Variants in TSGA10 observed in about 807,000 individuals in gnomAD.
TSGA10 encodes testis specific 10.
Under a neutral mutation model 96.6 loss-of-function variants are expected in TSGA10, and 43 were observed. The observed-to-expected ratio is 0.44, with a 90% confidence interval of 0.35 to 0.57. The LOEUF (loss-of-function observed/expected upper bound fraction) is 0.57, where lower values mean the gene tolerates loss of function less well. TSGA10 is among the 20% of genes least tolerant of loss of function. The pLI is 0.01. For missense variants in TSGA10, 703 were observed against 834.4 expected (o/e 0.84, Z 1.94); for synonymous variants, 229 against 269.9 (o/e 0.85, Z 1.48).
chr2:99,033,010 C>A (rs936346158), intron 17 of TSGA10, among the ~76,000 whole-genome samples: 1 of 152,176 alleles, frequency 6.6e-6, no homozygotes, highest in Non-Finnish European at 1.5e-5. Context: ...GCAGACTACT[C>A]AAGTCTTTGA....
At chr2:99,042,462 C>T (rs1233767639) in intron 16 of TSGA10, among the ~76,000 whole-genome samples, 1 of 152,132 alleles carries the variant, frequency 6.6e-6, no homozygotes, top group Non-Finnish European at 1.5e-5. Context: ...GGGCTCTGAC[C>T]AGACGAGATT....
In TSGA10 at chr2:99,124,905, C is replaced by G. The variant is rs569236494; in HGVS notation, c.-492+2143G>C. ...CGGCCTACTGTTACATTATTAATAA[C>G]TAGTATCTATAACTTACCTTAGGGT... On this transcript the variant is annotated intron_variant, in intron 2 of 20. Transcript: ENST00000393483. 1.0e-3 allele frequency: 157 copies of G among 152,242 alleles called. 1 individual carries two copies. Among genetic ancestry groups the G allele is most frequent in the African/African-American group, 3.6e-3 (151 of 41,516 alleles). 9.4% of individuals were successfully genotyped at this position (152,242 alleles called of 1,614,324 possible). A position where few individuals can be genotyped will look rare whatever the true frequency, so the allele number is the denominator to read the frequency against.
chr2:99,150,848 T>C, intron 1 of TSGA10: 1 of 1,545,988 alleles, frequency 6.5e-7, no homozygotes, highest in Non-Finnish European at 8.7e-7. Flanking sequence ...AATTTGTACG[T>C]ATTACCAAAG....
intron 10 of TSGA10, among the ~76,000 whole-genome samples, chr2:99,091,870 G>A (rs2089396931): frequency 6.6e-6 from 1 of 152,086 alleles, no homozygotes; most frequent in Non-Finnish European, 1.5e-5. Context: ...CATCAAGAAA[G>A]AAAGTCAACA....
chr2:99,128,776 C>T (rs2092943564), intron 1 of TSGA10, among the ~76,000 whole-genome samples: 3 of 152,178 alleles, frequency 2.0e-5, no homozygotes, highest in African/African-American at 7.2e-5. Flanking sequence ...AACTATGCAA[C>T]ACTTAAGGGT....
chr2:99,018,188 A>G lies in TSGA10; in HGVS notation c.2072+12T>C, dbSNP rs752646244. On this transcript the variant is annotated intron_variant, in intron 20 of 20. Transcript: ENST00000393483. ...TTTGATCTCAAGAGAATGGATCCTTAAATAGACTCACTCTTCTAATGATCG... is the reference window on the plus strand; with the variant it reads ...TTTGATCTCAAGAGAATGGATCCTTGAATAGACTCACTCTTCTAATGATCG... 3.7e-6 allele frequency: 6 copies of G among 1,613,840 alleles called. No homozygotes were observed. The highest frequency in any genetic ancestry group is 5.1e-6 in the Non-Finnish European group (6 of 1,179,932).
chr2:99,038,012 T>C (rs1418475943), intron 16 of TSGA10, among the ~76,000 whole-genome samples: 1 of 151,920 alleles, frequency 6.6e-6, no homozygotes, highest in Non-Finnish European at 1.5e-5. Flanking sequence ...TTTTACCTCC[T>C]TAAACAAAAC....
chr2:99,005,960 A>G lies in TSGA10; in HGVS notation c.2073-7739T>C, dbSNP rs571772835. 5.3e-5 allele frequency among the ~76,000 whole-genome samples: 8 copies of G among 152,318 alleles called. No homozygotes were observed. In the East Asian group the frequency reaches 1.5e-3, roughly 29 times the overall value. The stretch of plus-strand genomic sequence containing the variant: ...CAAAACAGAGATATAGATCAATGGA[A>G]CAGAACAGAGCCCTCAGAAATAATG... On this transcript the variant is annotated intron_variant, in intron 20 of 20. Transcript: ENST00000393483.
At chr2:99,035,508 A>G in intron 16 of TSGA10, 69 bp from the exon 17 acceptor site, 18 of 1,116,458 alleles carry the variant, frequency 1.6e-5, no homozygotes, top group Non-Finnish European at 2.2e-5. Flanking sequence ...TATAACATGG[A>G]AAAATGAAGT....
chr2:99,071,850 C>T lies in TSGA10; in HGVS notation c.963G>A (p.Val321=), dbSNP rs746161802. 4.1e-5 allele frequency: 66 copies of T among 1,613,908 alleles called. No individual in the cohort carries two copies. Among genetic ancestry groups the T allele is most frequent in the Non-Finnish European group, 5.1e-5 (60 of 1,179,868 alleles). The change falls in exon 14 of 21, where the codon GTG becomes GTA. Residue 321 remains valine, a synonymous_variant. Coordinates refer to ENST00000393483, the MANE Select transcript of TSGA10 (RefSeq NM_025244.4). The stretch of plus-strand genomic sequence containing the variant: ...GCATTCTGGAAACGTCTTGTTCACA[C>T]ACAATTAGGGCCTCAGTACACTGTC... ...ASRQCTEALI[V]CEQDVSRMRR... is the part of the protein sequence containing the mutation.
intron 17 of TSGA10, among the ~76,000 whole-genome samples, chr2:99,021,270 G>C (rs1490049751): frequency 6.6e-6 from 1 of 151,606 alleles, no homozygotes; most frequent in African/African-American, 2.4e-5. Context: ...TTCTAAGCTA[G>C]ATACAATGCA....
chr2:99,088,773 G>C (rs2088894325), intron 10 of TSGA10, among the ~76,000 whole-genome samples: 1 of 152,140 alleles, frequency 6.6e-6, no homozygotes, highest in Non-Finnish European at 1.5e-5. Context: ...AGCTAAAAGT[G>C]GGTGACTAAT....
At position 99,068,859 on chromosome 2, in the gene TSGA10, A is replaced by G. The variant is rs773100123; in HGVS notation, c.1218+29T>C. On this transcript the variant is annotated intron_variant, in intron 15 of 20. Coordinates refer to ENST00000393483, the MANE Select transcript of TSGA10 (RefSeq NM_025244.4). ...TTAACTCTAGTGAAAACTAAGTATC[A>G]TGAGCAAAAAGAAAAAAAAAATACA... is the stretch of plus-strand genomic sequence containing the variant. 44 of 1,170,020 alleles carry G rather than the reference A, an allele frequency of 3.8e-5. No homozygotes were observed. In the East Asian group the frequency reaches 5.0e-4, roughly 13 times the overall value. The allele number at this position is 1,170,020 out of a possible 1,614,324, so 72.5% of individuals were successfully genotyped here. A position where few individuals can be genotyped will look rare whatever the true frequency, so the allele number is the denominator to read the frequency against.
At chr2:99,028,636 C>A (rs1477033469) in intron 17 of TSGA10, among the ~76,000 whole-genome samples, 1 of 152,020 alleles carries the variant, frequency 6.6e-6, no homozygotes, top group Non-Finnish European at 1.5e-5. Context: ...CACCCCCAGC[C>A]CCTCATCACC....
chr2:99,112,594 T>C (rs539094589), intron 4 of TSGA10, among the ~76,000 whole-genome samples: 6 of 151,862 alleles, frequency 4.0e-5, no homozygotes, highest in African/African-American at 1.2e-4. Flanking sequence ...AGGAAGTCAA[T>C]CATGTGAAAA....
chr2:99,054,322 G>T (rs2083738384), intron 16 of TSGA10, among the ~76,000 whole-genome samples: 1 of 152,094 alleles, frequency 6.6e-6, no homozygotes, highest in Admixed American at 6.6e-5. Context: ...CTATGGAGAA[G>T]AATGAGATTG....
chr2:99,095,584 G>A (rs1461313700), intron 10 of TSGA10, among the ~76,000 whole-genome samples: 1 of 151,938 alleles, frequency 6.6e-6, no homozygotes, highest in Non-Finnish European at 1.5e-5. Flanking sequence ...AAGAAAAGAA[G>A]ACAGAAGATA....
intron 7 of TSGA10, among the ~76,000 whole-genome samples, chr2:99,107,108 TACC>T: frequency 6.6e-6 from 1 of 152,218 alleles, no homozygotes. Context: ...TTTATTTTAT[TACC>T]ACATTGCTGA....
rs1422653418 is a variant in TSGA10 at position 99,016,552 on chromosome 2, C to T, written c.2072+1648G>A. Among the ~76,000 whole-genome samples, 3 of 152,164 alleles carry T rather than the reference C, an allele frequency of 2.0e-5. No homozygotes were observed. The South Asian group carries it at 6.2e-4, about 31-fold the overall frequency. ...AAACCATAAAAATTCTAGAAGATAA[C>T]ATTGGTAAAAGTCTTCTGAACTTTG... On this transcript the variant is annotated intron_variant, in intron 20 of 20. Transcript: ENST00000393483.
Sources: allele counts gnomAD v4.1 joint callset (sites outside exome capture counted in the v4.1 genomes callset), GRCh38; gene constraint gnomAD v4.1.1; transcripts MANE v1.5; gene names NCBI Gene and HGNC (gene_info 2026-07-23, HGNC 2026-07-21).